LPP: variants seen among roughly 807,000 people sequenced by gnomAD.
LPP encodes the protein LIM domain containing preferred translocation partner in lipoma.
In LPP, 38 loss-of-function variants were observed where a neutral mutation model predicts 60.4. The ratio of observed to expected loss-of-function variants is 0.63; its 90% CI spans 0.49 to 0.83. The LOEUF (loss-of-function observed/expected upper bound fraction) is 0.83, where lower values mean the gene tolerates loss of function less well. LPP is among the 40% of genes least tolerant of loss of function. The pLI, the probability that LPP is intolerant of heterozygous loss-of-function variation, is 0.00. For synonymous variants in LPP, 328 were observed against 290.8 expected (o/e 1.13, Z -1.30); for missense variants, 902 against 783.6 (o/e 1.15, Z -1.80).
chr3:188,273,587 A>ATTTTTTT (rs1738562012), intron 2 of LPP, among the ~76,000 whole-genome samples: 1 of 64,458 alleles, frequency 1.6e-5, no homozygotes, highest in African/African-American at 5.8e-5. Context: ...GCTATTTTAT[A>ATTTTTTT]TCTTTTTTTT....
At chr3:188,591,678 A>AT (rs546584695) in intron 6 of LPP, among the ~76,000 whole-genome samples, 219 of 152,136 alleles carry the variant, frequency 1.4e-3, no homozygotes, top group African/African-American at 5.2e-3. Flanking sequence ...CCAGATTAAT[A>AT]TTTTTTTCAA....
intron 3 of LPP, among the ~76,000 whole-genome samples, chr3:188,368,717 C>CAGAGAG (rs1560306669): frequency 4.7e-5 from 5 of 105,518 alleles, no homozygotes; most frequent in African/African-American, 1.5e-4. Context: ...CACACACACA[C>CAGAGAG]ACAGAGAGAG....
At chr3:188,462,100 A>T (rs571266663) in intron 4 of LPP, among the ~76,000 whole-genome samples, 4 of 152,144 alleles carry the variant, frequency 2.6e-5, no homozygotes, top group African/African-American at 9.7e-5. Context: ...CTTTTCTTCA[A>T]TTATTAATAG....
intron 6 of LPP, among the ~76,000 whole-genome samples, chr3:188,550,183 C>A (rs1254688036): frequency 6.6e-6 from 1 of 152,112 alleles, no homozygotes; most frequent in Non-Finnish European, 1.5e-5. Flanking sequence ...TGGAACAAAA[C>A]CCCTCTGTGA....
chr3:188,217,016 C>T lies in LPP; in HGVS notation c.-189-8389C>T, dbSNP rs765249534. Among the ~76,000 whole-genome samples, 13 of 152,112 alleles carry T rather than the reference C, an allele frequency of 8.5e-5. No individual in the cohort carries two copies. Among genetic ancestry groups the T allele is most frequent in the Non-Finnish European group, 1.6e-4 (11 of 68,034 alleles). On this transcript the variant is annotated intron_variant, in intron 1 of 11. Transcript: ENST00000617246. This position sits in a 1 kb window ranked among gnomAD's most constrained non-coding sequence, Gnocchi z 4.0. ...CTGTTCTGGGCATTATCCCAGTACT[C>T]GATTTAGAGCAAAGAGTAAGACACA...
intron 5 of LPP, among the ~76,000 whole-genome samples, chr3:188,490,427 T>G (rs1354941635): frequency 6.6e-6 from 1 of 152,094 alleles, no homozygotes; most frequent in Non-Finnish European, 1.5e-5. Context: ...GACAGAGTCT[T>G]GCTCTGTTGA....
chr3:188,834,851 T>A (rs1758003758), intron 9 of LPP, among the ~76,000 whole-genome samples: 1 of 152,188 alleles, frequency 6.6e-6, no homozygotes, highest in African/African-American at 2.4e-5. Context: ...AGCTGCCAAT[T>A]TACAGATGAA....
intron 9 of LPP, among the ~76,000 whole-genome samples, chr3:188,860,509 G>T (rs1578023444): frequency 6.6e-6 from 1 of 152,082 alleles, no homozygotes; most frequent in East Asian, 1.9e-4. Context: ...AACCGCTCAG[G>T]AACTCTGGAC....
At chr3:188,400,932 A>T (rs148483836) in intron 3 of LPP, among the ~76,000 whole-genome samples, 3 of 152,352 alleles carry the variant, frequency 2.0e-5, no homozygotes, top group East Asian at 3.9e-4. Flanking sequence ...TCATCTGTTC[A>T]TTAAACTTGT....
At position 188,657,266 on chromosome 3, in the gene LPP, A is replaced by G. The variant is rs926643847; in HGVS notation, c.1113+47422A>G. Among the ~76,000 whole-genome samples the G allele has an allele frequency of 1.1e-4, 15 of 142,642 alleles. No homozygotes were observed. In the East Asian group the frequency reaches 2.7e-3, roughly 26 times the overall value. The allele number at this position is 142,642 out of a possible 152,430, so 93.6% of individuals were successfully genotyped here. On this transcript the variant is annotated intron_variant, in intron 7 of 11. Coordinates refer to ENST00000617246, the MANE Select transcript of LPP (RefSeq NM_001375462.1). Reference sequence around the variant, plus strand: ...TCAAGAGCTGTCAAGGTGTATATATATATATATATATATATTTCCAAAAGC... The same window carrying G: ...TCAAGAGCTGTCAAGGTGTATATATGTATATATATATATATTTCCAAAAGC...
chr3:188,293,412 T>C (rs1318077232), intron 2 of LPP, among the ~76,000 whole-genome samples: 1 of 152,224 alleles, frequency 6.6e-6, no homozygotes, highest in Non-Finnish European at 1.5e-5. Context: ...AAACTTACCA[T>C]CTTGATGAGT....
At chr3:188,753,763 G>T (rs1728998701) in intron 8 of LPP, among the ~76,000 whole-genome samples, 1 of 151,986 alleles carries the variant, frequency 6.6e-6, no homozygotes, top group Admixed American at 6.6e-5. Flanking sequence ...TGTTGCGAGT[G>T]TTTGAGTGTG....
At chr3:188,852,475 T>A (rs888618117) in intron 9 of LPP, among the ~76,000 whole-genome samples, 10 of 152,222 alleles carry the variant, frequency 6.6e-5, no homozygotes, top group African/African-American at 2.2e-4. Context: ...AAGTGGGGTA[T>A]AATAAGAGAT....
chr3:188,695,533 C>T (rs1863056820), intron 7 of LPP, among the ~76,000 whole-genome samples: 1 of 152,186 alleles, frequency 6.6e-6, no homozygotes, highest in African/African-American at 2.4e-5. Context: ...TTAGCACATG[C>T]CATGTGTCTT....
At chr3:188,722,209 A>T (rs1716702999) in intron 8 of LPP, among the ~76,000 whole-genome samples, 1 of 152,194 alleles carries the variant, frequency 6.6e-6, no homozygotes, top group Non-Finnish European at 1.5e-5. Flanking sequence ...GTTGAATATG[A>T]TGAAGAATAC....
intron 5 of LPP, among the ~76,000 whole-genome samples, chr3:188,510,728 C>T (rs768075574): frequency 6.6e-6 from 1 of 152,180 alleles, no homozygotes; most frequent in Non-Finnish European, 1.5e-5. Context: ...AAAGAACACT[C>T]GTGTTTGCCA....
chr3:188,739,505 G>C (rs907484850), intron 8 of LPP, among the ~76,000 whole-genome samples: 44 of 152,202 alleles, frequency 2.9e-4, no homozygotes, highest in African/African-American at 1.0e-3. Context: ...CTTAGAAGAT[G>C]TATAAGGGTT....
intron 4 of LPP, among the ~76,000 whole-genome samples, chr3:188,476,814 C>T (rs1033188446): frequency 6.6e-6 from 1 of 152,036 alleles, no homozygotes; most frequent in Admixed American, 6.5e-5. Flanking sequence ...ATTAATGTTC[C>T]TCGGTCAAGG....
intron 1 of LPP, among the ~76,000 whole-genome samples, chr3:188,203,419 TAA>T: frequency 1.9e-5 from 1 of 52,300 alleles, no homozygotes; most frequent in African/African-American, 5.4e-5. Flanking sequence ...AATATATATA[TAA>T]TATAAATATA....
Sources: allele counts gnomAD v4.1 joint callset (sites outside exome capture counted in the v4.1 genomes callset), GRCh38; gene constraint gnomAD v4.1.1; non-coding constraint Gnocchi (gnomAD v3.1); transcripts MANE v1.5; gene names NCBI Gene and HGNC (gene_info 2026-07-23, HGNC 2026-07-21).